Variants in RRP1B observed in about 807,000 individuals in gnomAD.
The protein encoded by RRP1B is ribosomal RNA processing protein 1 homolog B.
RRP1B carries 56 observed loss-of-function variants against 80.2 expected under a neutral mutation model. The ratio of observed to expected loss-of-function variants is 0.70; its 90% CI spans 0.56 to 0.87. The LOEUF (loss-of-function observed/expected upper bound fraction) is 0.87. Ranked by LOEUF, RRP1B falls within the 40% of genes least tolerant of loss-of-function variation. The pLI, the probability that RRP1B is intolerant of heterozygous loss-of-function variation, is 0.00. For synonymous variants in RRP1B, 351 were observed against 357.6 expected, an observed-to-expected ratio of 0.98 and a Z score of 0.21; for missense variants, 807 against 939.8, an observed-to-expected ratio of 0.86 and a Z score of 1.85.
chr21:43,674,996 A>C, intron 5 of RRP1B, 38 bp from the exon 6 acceptor site: 1 of 1,611,256 alleles, frequency 6.2e-7, no homozygotes, highest in Non-Finnish European at 8.5e-7. Context: ...ACGTGTTGGC[A>C]TACTGTCATT....
rs189332617 is a variant in RRP1B at position 43,663,597 on chromosome 21, G to A, written c.130+3803G>A. Among the ~76,000 whole-genome samples the A allele has an allele frequency of 4.0e-5, 6 of 151,322 alleles. No individual in the cohort carries two copies. In the East Asian group the frequency reaches 9.8e-4, roughly 25 times the overall value. ...TTGAGAGACAGAGACTTGCTCTGTC[G>A]CCCAGGCTGGAGTGCAGTGGCACAA... On this transcript the variant is annotated intron_variant, in intron 1 of 15. Coordinates refer to ENST00000340648, the MANE Select transcript of RRP1B (RefSeq NM_015056.3).
chr21:43,694,001 TG>T lies in RRP1B; in HGVS notation c.*623del. The T allele has an allele frequency of 6.6e-6, 1 of 152,620 alleles. No individual in the cohort carries two copies. Among genetic ancestry groups the T allele is most frequent in the Non-Finnish European group, 1.5e-5 (1 of 68,098 alleles). 9.5% of individuals were successfully genotyped at this position (152,620 alleles called of 1,614,324 possible). ...TGGGGAAAGAAGAGGCTCTGCGTTC[TG>T]GGGGCTTTTTCTTCTCCTCCCCCTA... On this transcript the variant is annotated 3_prime_UTR_variant, in exon 16 of 16. Coordinates refer to ENST00000340648, the MANE Select transcript of RRP1B (RefSeq NM_015056.3).
At position 43,659,710 on chromosome 21, in the gene RRP1B, C is replaced by T; in HGVS notation, c.46C>T (p.Leu16=). The change falls in exon 1 of 16, where the codon CTG becomes TTG. Residue 16 remains leucine (L), a synonymous_variant. Coordinates refer to ENST00000340648, the MANE Select transcript of RRP1B (RefSeq NM_015056.3). The surrounding 1 kb of genome is among the most constrained non-coding windows in gnomAD (Gnocchi z 4.2). ...GGCCGAGATCCAATTTGCCCAGCGGCTGGCGTCCAGCGAGAAGGGCATCCG... is the reference window on the plus strand; with the variant it reads ...GGCCGAGATCCAATTTGCCCAGCGGTTGGCGTCCAGCGAGAAGGGCATCCG... ...QPAEIQFAQR[L]ASSEKGIRDR... 1 of 1,532,072 alleles carries T rather than the reference C, an allele frequency of 6.5e-7. No individual in the cohort carries two copies. Among genetic ancestry groups the T allele is most frequent in the Non-Finnish European group, 8.8e-7 (1 of 1,138,566 alleles). 94.9% of individuals were successfully genotyped at this position (1,532,072 alleles called of 1,614,324 possible).
At chr21:43,678,015 A>G (rs2083029244) in intron 8 of RRP1B, among the ~76,000 whole-genome samples, 1 of 152,206 alleles carries the variant, frequency 6.6e-6, no homozygotes, top group South Asian at 2.1e-4. Context: ...CTCTTGGTAG[A>G]TACCCTGCAG....
At chr21:43,669,852 C>G in intron 1 of RRP1B, 32 bp from the exon 2 acceptor site, 1 of 1,505,388 alleles carries the variant, frequency 6.6e-7, no homozygotes, top group East Asian at 2.3e-5. Context: ...GATGCATAGA[C>G]TCTAAGATGT....
At chr21:43,685,570 T>C (rs1323435515) in intron 10 of RRP1B, among the ~76,000 whole-genome samples, 200 bp from the exon 11 acceptor site, 1 of 152,232 alleles carries the variant, frequency 6.6e-6, no homozygotes, top group Non-Finnish European at 1.5e-5. Flanking sequence ...TTGAGCTTTT[T>C]GGCTTTTGTA....
At position 43,672,342 on chromosome 21, in the gene RRP1B, A is replaced by G; in HGVS notation, c.248A>G (p.His83Arg). 1.2e-6 allele frequency: 2 copies of G among 1,614,118 alleles called. No individual in the cohort carries two copies. The highest frequency in any genetic ancestry group is 1.7e-6 in the Non-Finnish European group (2 of 1,179,984). ...GCCAACACCATTGCACAGCTAGTCC[A>G]TGCTGTTAACAACTCAGCGGCTCGT... Reference protein sequence around the residue: ...ELANTIAQLVHAVNNSAAQHL... With the variant: ...ELANTIAQLVRAVNNSAAQHL... The change falls in exon 3 of 16, where the codon CAT becomes CGT. Residue 83 changes from histidine (H) to arginine (R), a missense_variant. Physicochemically the swap from His to Arg is conservative, Grantham distance 29 (BLOSUM62 0). Coordinates refer to ENST00000340648, the MANE Select transcript of RRP1B (RefSeq NM_015056.3).
chr21:43,687,004 C>T (rs1044635151), intron 12 of RRP1B, 69 bp downstream of exon 12: 208 of 1,539,652 alleles, frequency 1.4e-4, no homozygotes, highest in African/African-American at 9.7e-5. Flanking sequence ...ATGGAGGCCT[C>T]GGAGACTTGA....
Position 43,689,510 on chromosome 21 carries a change from G to A in RRP1B, c.1867-778G>A, listed in dbSNP as rs894780793. On this transcript the variant is annotated intron_variant, in intron 13 of 15. Transcript: ENST00000340648. ...CGAGTCTCTCCTACCTCACAGTGCCGCCATCTCCTCCCTGGACTGCAGCCT... is the reference window on the plus strand; with the variant it reads ...CGAGTCTCTCCTACCTCACAGTGCCACCATCTCCTCCCTGGACTGCAGCCT... Among the ~76,000 whole-genome samples, 68 of 152,130 alleles carry A rather than the reference G, an allele frequency of 4.5e-4. 1 individual carries two copies. Among genetic ancestry groups the A allele is most frequent in the Non-Finnish European group, 8.7e-4 (59 of 68,022 alleles).
chr21:43,678,652 T>C (rs2147169427), intron 8 of RRP1B, among the ~76,000 whole-genome samples: 1 of 152,334 alleles, frequency 6.6e-6, no homozygotes, highest in South Asian at 2.1e-4. Context: ...TTTGTTTGAG[T>C]TCCTTGTAGA....
chr21:43,695,186 TAA>T lies in RRP1B; in HGVS notation c.*1804_*1805del, dbSNP rs1272903161. 1.4e-5 allele frequency: 2 copies of T among 146,308 alleles called. No individual in the cohort carries two copies. Among genetic ancestry groups the T allele is most frequent in the Admixed American group, 1.4e-4 (2 of 14,428 alleles). 9.1% of individuals were successfully genotyped at this position (146,308 alleles called of 1,614,324 possible). Reference sequence around the variant, plus strand: ...AGTTTTAACTTTTCTTTTTTTTTTTTAAGTTTCATTCTTCCTAGAATATTTTT... The same window carrying T: ...AGTTTTAACTTTTCTTTTTTTTTTTTGTTTCATTCTTCCTAGAATATTTTT... On this transcript the variant is annotated 3_prime_UTR_variant, in exon 16 of 16. Coordinates refer to ENST00000340648, the MANE Select transcript of RRP1B (RefSeq NM_015056.3).
Position 43,685,833 on chromosome 21 carries a change from T to C in RRP1B, c.1009+44T>C, listed in dbSNP as rs772349093. On this transcript the variant is annotated intron_variant, in intron 11 of 15. Transcript: ENST00000340648. ...CATCATTCATGGTGTTTTTCGTGAA[T>C]ATGGACCCCACTGGGGGCGTTGATG... is the stretch of plus-strand genomic sequence containing the variant. 8 of 1,583,840 alleles carry C rather than the reference T, an allele frequency of 5.1e-6. No homozygotes were observed. The Admixed American group carries it at 1.2e-4, about 24-fold the overall frequency.
At chr21:43,660,479 T>A (rs1001903230) in intron 1 of RRP1B, among the ~76,000 whole-genome samples, 2 of 152,052 alleles carry the variant, frequency 1.3e-5, no homozygotes, top group African/African-American at 4.8e-5. Flanking sequence ...GGAGAATCGC[T>A]TGAACCTGGG....
In RRP1B at chr21:43,690,382, T is replaced by G. The variant is rs371895039; in HGVS notation, c.1961T>G (p.Leu654Arg). 1.9e-5 allele frequency: 31 copies of G among 1,614,070 alleles called. No homozygotes were observed. The highest frequency in any genetic ancestry group is 2.6e-5 in the Non-Finnish European group (31 of 1,180,030). ...GACACCCCCTTCTTACCAAAGCCCC[T>G]GTTCTTCAGAAGAGCCAAGAGCAGC... ...KFDTPFLPKP[L>R]FFRRAKSSTA... Residue 654 changes from leucine (L) to arginine (R), a missense_variant, in exon 14 of 16, where the codon CTG (leucine) becomes CGG (arginine). By Grantham distance (102) the Leu-to-Arg change is moderately radical. Transcript: ENST00000340648.
chr21:43,667,242 T>C (rs1568954511), intron 1 of RRP1B, among the ~76,000 whole-genome samples: 1 of 152,132 alleles, frequency 6.6e-6, no homozygotes, highest in East Asian at 1.9e-4. Flanking sequence ...TGTTTGTTTG[T>C]TTGAGAGACA....
intron 1 of RRP1B, among the ~76,000 whole-genome samples, chr21:43,667,421 G>GT (rs2082982681): frequency 6.6e-6 from 1 of 152,216 alleles, no homozygotes; most frequent in South Asian, 2.1e-4. Context: ...TGGTGTGTGT[G>GT]TGTGTGTGTT....
chr21:43,678,077 C>T (rs942476183), intron 8 of RRP1B, among the ~76,000 whole-genome samples: 3 of 152,218 alleles, frequency 2.0e-5, no homozygotes, highest in Non-Finnish European at 2.9e-5. Context: ...TAAGGAATCT[C>T]CACACTGTTT....
chr21:43,676,193 A>G, intron 6 of RRP1B, 79 bp from the exon 7 acceptor site: 1 of 1,038,028 alleles, frequency 9.6e-7, no homozygotes, highest in South Asian at 1.4e-5. Flanking sequence ...TTTGTAAAAG[A>G]TGGGAATGGT....
chr21:43,670,731 C>T (rs972639158), intron 2 of RRP1B, among the ~76,000 whole-genome samples: 12 of 151,908 alleles, frequency 7.9e-5, no homozygotes, highest in Admixed American at 7.9e-4. Context: ...CTGTGTGTGG[C>T]CCAAGACAGT....
Sources: allele counts gnomAD v4.1 joint callset (sites outside exome capture counted in the v4.1 genomes callset), GRCh38; gene constraint gnomAD v4.1.1; non-coding constraint Gnocchi (gnomAD v3.1); transcripts MANE v1.5; gene names NCBI Gene and HGNC (gene_info 2026-07-23, HGNC 2026-07-21).